Variants in PCDHGA5 observed in about 807,000 individuals in gnomAD.
The protein encoded by PCDHGA5 is protocadherin gamma subfamily A, 5, also known as protocadherin gamma-A5.
In PCDHGA5, 36 loss-of-function variants were observed where a neutral mutation model predicts 56.7. The ratio of observed to expected loss-of-function variants is 0.64; its 90% CI spans 0.49 to 0.84. PCDHGA5 has a LOEUF of 0.84. PCDHGA5 is among the 40% of genes least tolerant of loss of function. PCDHGA5 has a pLI of 0.00. For synonymous variants in PCDHGA5, 563 were observed against 520.2 expected (o/e 1.08, Z -1.12); for missense variants, 1,305 against 1,201.5 (o/e 1.09, Z -1.27).
intron 1 of PCDHGA5, chr5:141,383,142 C>A (rs1778858149): frequency 1.2e-6 from 2 of 1,614,006 alleles, no homozygotes; most frequent in Admixed American, 3.3e-5. Flanking sequence ...ACCAGCGCAG[C>A]GGCAGCTTGG....
chr5:141,400,091 C>T, intron 1 of PCDHGA5: 4 of 1,614,072 alleles, frequency 2.5e-6, no homozygotes, highest in South Asian at 1.1e-5. Context: ...GCCACCGCCA[C>T]GCTGCACTTG....
chr5:141,366,019 G>T lies in PCDHGA5; in HGVS notation c.1689G>T (p.Leu563=). 2 of 1,614,226 alleles carry T rather than the reference G, an allele frequency of 1.2e-6. No individual in the cohort carries two copies. Among genetic ancestry groups the T allele is most frequent in the South Asian group, 2.2e-5 (2 of 91,086 alleles). The change falls in exon 1 of 4, where the codon CTG becomes CTT. Residue 563 remains leucine, a synonymous_variant. Transcript: ENST00000518069. ...AGAACGACAATACGCCTGAGATCCT[G>T]TACCCCGCCCTCCCCACAGACGGTT... is the stretch of plus-strand genomic sequence containing the variant. ...LDQNDNTPEI[L]YPALPTDGST... is the part of the protein sequence containing the mutation.
In PCDHGA5 at chr5:141,431,627, C is replaced by T. The variant is rs769351473; in HGVS notation, c.2422-63180C>T. 2.5e-6 allele frequency: 4 copies of T among 1,614,076 alleles called. No homozygotes were observed. The South Asian group carries it at 4.4e-5, about 18-fold the overall frequency. On this transcript the variant is annotated intron_variant, in intron 1 of 3. Coordinates refer to ENST00000518069, the MANE Select transcript of PCDHGA5 (RefSeq NM_018918.3). The surrounding 1 kb of genome is among the most constrained non-coding windows in gnomAD (Gnocchi z 4.8). Reference sequence around the variant, plus strand: ...CCGGTATGTGGACGACAAGGCGGCCCAAGTTTTCAAACTAGATTGTAATTC... The same window carrying T: ...CCGGTATGTGGACGACAAGGCGGCCTAAGTTTTCAAACTAGATTGTAATTC...
intron 1 of PCDHGA5, chr5:141,398,414 G>A (rs373274513): frequency 1.2e-4 from 186 of 1,488,072 alleles, no homozygotes; most frequent in Non-Finnish European, 1.6e-4. Context: ...GAGGAGATAT[G>A]CGGGAAGAAG....
At chr5:141,441,746 C>CGTCAA in intron 1 of PCDHGA5, 1 of 371,314 alleles carries the variant, frequency 2.7e-6, no homozygotes, top group Non-Finnish European at 5.4e-6. Context: ...TCGCGCTCGG[C>CGTCAA]GTCAACGTGA....
chr5:141,419,694 G>T, intron 1 of PCDHGA5: 2 of 1,612,974 alleles, frequency 1.2e-6, no homozygotes, highest in South Asian at 1.1e-5. Context: ...GTGCAGGCCA[G>T]TGAGCCCGGG....
rs1460072742 is a variant in PCDHGA5, at chr5:141,399,761, G to A, written c.2421+33010G>A. 3 of 1,613,238 alleles carry A rather than the reference G, an allele frequency of 1.9e-6. No individual in the cohort carries two copies. The highest frequency in any genetic ancestry group is 1.7e-4 in the Middle Eastern group (1 of 5,918). On this transcript the variant is annotated intron_variant, in intron 1 of 3. Transcript: ENST00000518069. The stretch of plus-strand genomic sequence containing the variant: ...GCGCTCAGCGCAAACGTGAGCCTGC[G>A]CGTGTTGGTGGGCGACCGAAACGAC...
rs1481151067 is a variant in PCDHGA5, at chr5:141,477,223, T to A, written c.2422-17584T>A. On this transcript the variant is annotated intron_variant, in intron 1 of 3. Transcript: ENST00000518069. This position sits in a 1 kb window ranked among gnomAD's most constrained non-coding sequence, Gnocchi z 4.9. ...TACCCGAGGATGCCCCTCTGGGGAC[T>A]GTCATCGCTTTGCTCAGTGTGACTG... The A allele has an allele frequency of 6.2e-7, 1 of 1,614,198 alleles. No individual in the cohort carries two copies. The highest frequency in any genetic ancestry group is 1.1e-5 in the South Asian group (1 of 91,084).
chr5:141,489,246 G>A lies in PCDHGA5; in HGVS notation c.2422-5561G>A, dbSNP rs141115698. On this transcript the variant is annotated intron_variant, in intron 1 of 3. Coordinates refer to ENST00000518069, the MANE Select transcript of PCDHGA5 (RefSeq NM_018918.3). The surrounding 1 kb of genome is among the most constrained non-coding windows in gnomAD (Gnocchi z 4.5). Reference sequence around the variant, plus strand: ...CACAAAGGGACTTCTGGGTCATGGGGCCCAAGACACTCCCACAGCTCGCTG... The same window carrying A: ...CACAAAGGGACTTCTGGGTCATGGGACCCAAGACACTCCCACAGCTCGCTG... 750 of 1,544,746 alleles carry A rather than the reference G, an allele frequency of 4.9e-4. No homozygotes were observed. The highest frequency in any genetic ancestry group is 6.3e-4 in the Non-Finnish European group (726 of 1,145,538).
At chr5:141,409,878 C>T in intron 1 of PCDHGA5, 4 of 1,612,952 alleles carry the variant, frequency 2.5e-6, no homozygotes, top group Middle Eastern at 1.6e-4. Flanking sequence ...AATGACAACG[C>T]ACCGCGGGTG....
Position 141,476,512 on chromosome 5 carries a change from T to C in PCDHGA5, c.2422-18295T>C, listed in dbSNP as rs1171240377. ...TGATCCAGGACATCAACGACAACAA[T>C]CCTGCTTTCCCTACCCAGGAAATGA... On this transcript the variant is annotated intron_variant, in intron 1 of 3. Transcript: ENST00000518069. This position sits in a 1 kb window ranked among gnomAD's most constrained non-coding sequence, Gnocchi z 7.6. The C allele has an allele frequency of 6.2e-7, 1 of 1,613,642 alleles. No homozygotes were observed. Among genetic ancestry groups the C allele is most frequent in the Non-Finnish European group, 8.5e-7 (1 of 1,179,940 alleles).
chr5:141,383,578 C>A, intron 1 of PCDHGA5: 1 of 1,613,494 alleles, frequency 6.2e-7, no homozygotes, highest in Non-Finnish European at 8.5e-7. Flanking sequence ...CAGCACCGCC[C>A]ACATCCAGGT....
intron 1 of PCDHGA5, among the ~76,000 whole-genome samples, chr5:141,444,735 C>G (rs924159168): frequency 6.6e-6 from 1 of 152,116 alleles, no homozygotes; most frequent in Admixed American, 6.5e-5. Flanking sequence ...TGTTGAAAGT[C>G]ATTTCACTGA....
At chr5:141,388,387 A>G (rs746929136) in intron 1 of PCDHGA5, 5 of 1,614,034 alleles carry the variant, frequency 3.1e-6, no homozygotes, top group South Asian at 2.2e-5. Flanking sequence ...AACACACTGC[A>G]GAATTACCAA....
At chr5:141,505,552 T>C (rs920594597) in intron 3 of PCDHGA5, 71 bp downstream of exon 3, 8 of 1,608,230 alleles carry the variant, frequency 5.0e-6, no homozygotes, top group Non-Finnish European at 6.8e-6. Context: ...ACAGCCACCA[T>C]GCCCACGGAC....
intron 1 of PCDHGA5, chr5:141,385,444 G>C: frequency 6.9e-7 from 1 of 1,448,588 alleles, no homozygotes; most frequent in East Asian, 2.5e-5. Context: ...GTAAAAATGA[G>C]TTTACCAGTT....
chr5:141,432,172 C>T lies in PCDHGA5; in HGVS notation c.2422-62635C>T, dbSNP rs562175068. ...AGAACAATCCCAGAGGAGTTTCCCT[C>T]GTCTCTGTGACCGCCCACGACCCCG... On this transcript the variant is annotated intron_variant, in intron 1 of 3. Coordinates refer to ENST00000518069, the MANE Select transcript of PCDHGA5 (RefSeq NM_018918.3). This position sits in a 1 kb window ranked among gnomAD's most constrained non-coding sequence, Gnocchi z 6.0. 22 of 1,614,152 alleles carry T rather than the reference C, an allele frequency of 1.4e-5. No individual in the cohort carries two copies. In the Admixed American group the frequency reaches 3.5e-4, roughly 26 times the overall value.
chr5:141,367,835 C>T (rs1423216035), intron 1 of PCDHGA5: 1 of 151,994 alleles, frequency 6.6e-6, no homozygotes, highest in East Asian at 1.9e-4. Context: ...GAATCAATAC[C>T]TACTGCAATG....
chr5:141,372,802 T>G, intron 1 of PCDHGA5: 1 of 1,594,058 alleles, frequency 6.3e-7, no homozygotes, highest in Non-Finnish European at 8.6e-7. Flanking sequence ...TCAGGCAATT[T>G]GCAAAAGGTG....
Sources: gnomAD v4.1 joint callset for allele counts (sites outside exome capture counted in the v4.1 genomes callset) on GRCh38, gnomAD v4.1.1 for gene constraint, Gnocchi (gnomAD v3.1) non-coding constraint, MANE v1.5 for transcripts, NCBI Gene and HGNC (gene_info 2026-07-23, HGNC 2026-07-21) for gene names.